Variants in ZNF365 observed in about 807,000 individuals in gnomAD.
The protein encoded by ZNF365 is protein ZNF365.
Under a neutral mutation model 35.0 loss-of-function variants are expected in ZNF365, and 22 were observed. That is an observed-to-expected ratio of 0.63 (90% CI 0.45 to 0.90). The LOEUF (loss-of-function observed/expected upper bound fraction) is 0.90, where lower values mean the gene tolerates loss of function less well. Ranked by LOEUF, ZNF365 falls within the 40% of genes least tolerant of loss-of-function variation. ZNF365 has a pLI of 0.00. For missense variants in ZNF365, 448 were observed against 500.3 expected (o/e 0.90, Z 1.00); for synonymous variants, 188 against 196.2 (o/e 0.96, Z 0.35).
At chr10:62,384,212 G>A (rs908768495) in intron 2 of ZNF365, among the ~76,000 whole-genome samples, 3 of 151,670 alleles carry the variant, frequency 2.0e-5, no homozygotes, top group African/African-American at 7.3e-5. Flanking sequence ...CCCTGATTGA[G>A]TTTCACTCAG....
Position 62,433,097 on chromosome 10 carries a change from A to T in ZNF365, c.925-26644A>T, listed in dbSNP as rs564321636. ...ACTTCAAATTCATCCTAGATCATGG[A>T]CTGTTCCTTGTAGAACCTACTGCTT... is the stretch of plus-strand genomic sequence containing the variant. On this transcript the variant is annotated intron_variant, in intron 3 of 4. Transcript: ENST00000395255. Among the ~76,000 whole-genome samples, 7 of 152,330 alleles carry T rather than the reference A, an allele frequency of 4.6e-5. No individual in the cohort carries two copies. In the South Asian group the frequency reaches 1.4e-3, roughly 32 times the overall value.
At chr10:62,476,306 C>T (rs781472289) in intron 4 of ZNF365, among the ~76,000 whole-genome samples, 2 of 152,180 alleles carry the variant, frequency 1.3e-5, no homozygotes, top group African/African-American at 2.4e-5. Context: ...GATAGAGTTT[C>T]TACAGAGCCT....
chr10:62,433,052 G>A (rs1840357091), intron 3 of ZNF365, among the ~76,000 whole-genome samples: 1 of 152,090 alleles, frequency 6.6e-6, no homozygotes, highest in African/African-American at 2.4e-5. Context: ...CAGATTATCA[G>A]GGAAATCAAA....
chr10:62,376,137 T>C, intron 1 of ZNF365, 44 bp from the exon 2 acceptor site: 1 of 1,587,086 alleles, frequency 6.3e-7, no homozygotes, highest in Non-Finnish European at 8.6e-7. Context: ...TTTAGTAGTG[T>C]GTTTTTCAGC....
chr10:62,406,030 C>T (rs750696450), downstream of ZNF365, among the ~76,000 whole-genome samples: 2 of 152,146 alleles, frequency 1.3e-5, no homozygotes, highest in Non-Finnish European at 1.5e-5. Context: ...AAGGGATACC[C>T]GAGGAGCTTA....
intron 3 of ZNF365, among the ~76,000 whole-genome samples, chr10:62,438,682 A>G (rs1485450351): frequency 2.0e-5 from 3 of 152,200 alleles, no homozygotes; most frequent in African/African-American, 4.8e-5. Flanking sequence ...CTATTCTCTT[A>G]TGTAAGCAGA....
At chr10:62,427,744 A>G (rs752034903) in intron 3 of ZNF365, among the ~76,000 whole-genome samples, 3 of 152,142 alleles carry the variant, frequency 2.0e-5, no homozygotes, top group Non-Finnish European at 4.4e-5. Context: ...TCTTGAGTCT[A>G]TGAAATAAGG....
At chr10:62,402,533 T>G, downstream of ZNF365, 1 of 853,190 alleles carries the variant, frequency 1.2e-6, no homozygotes, top group Non-Finnish European at 1.4e-6. Context: ...AAATGGTCCT[T>G]CCTGAATAAG....
At chr10:62,468,394 G>A (rs1274013344) in intron 4 of ZNF365, among the ~76,000 whole-genome samples, 2 of 152,066 alleles carry the variant, frequency 1.3e-5, no homozygotes, top group Admixed American at 6.6e-5. Flanking sequence ...TCAATTTTTT[G>A]CACCAAAATA....
chr10:62,415,422 G>A (rs529865911), intron 3 of ZNF365, among the ~76,000 whole-genome samples: 1 of 152,092 alleles, frequency 6.6e-6, no homozygotes, highest in African/African-American at 2.4e-5. Context: ...CTCTTATTTG[G>A]TCCTGTTATT....
At chr10:62,443,184 C>T (rs929227717) in intron 3 of ZNF365, among the ~76,000 whole-genome samples, 2 of 152,212 alleles carry the variant, frequency 1.3e-5, no homozygotes, top group African/African-American at 4.8e-5. Context: ...CTAAGTACAG[C>T]ACTGAAGCAG....
intron 3 of ZNF365, among the ~76,000 whole-genome samples, chr10:62,396,060 G>A (rs1839721787): frequency 6.6e-6 from 1 of 152,166 alleles, no homozygotes; most frequent in South Asian, 2.1e-4. Flanking sequence ...CGCCAAAGGG[G>A]CCAGGAGGAA....
intron 3 of ZNF365, among the ~76,000 whole-genome samples, chr10:62,447,650 G>A (rs1184725909): frequency 6.6e-6 from 1 of 152,182 alleles, no homozygotes; most frequent in Non-Finnish European, 1.5e-5. Flanking sequence ...AGTCACATGC[G>A]GTGGCTGCCT....
At chr10:62,390,335 C>A (rs1248900618) in intron 3 of ZNF365, among the ~76,000 whole-genome samples, 1 of 152,028 alleles carries the variant, frequency 6.6e-6, no homozygotes, top group African/African-American at 2.4e-5. Flanking sequence ...ATAAGTCATC[C>A]AGAGCTAAGA....
chr10:62,416,740 G>A (rs960237455), intron 3 of ZNF365, among the ~76,000 whole-genome samples: 2 of 151,886 alleles, frequency 1.3e-5, no homozygotes, highest in Non-Finnish European at 2.9e-5. Context: ...TTTACATTTT[G>A]GAATATTAGC....
At chr10:62,399,450 T>C in intron 4 of ZNF365, 78 bp from the exon 5 acceptor site, 1 of 1,554,258 alleles carries the variant, frequency 6.4e-7, no homozygotes, top group Middle Eastern at 1.7e-4. Flanking sequence ...GTGCCATGAG[T>C]AATTATTCTT....
intron 3 of ZNF365, among the ~76,000 whole-genome samples, chr10:62,389,873 A>G (rs56239904): frequency 0.051 from 7,811 of 152,236 alleles, 254 homozygotes; most frequent in South Asian, 0.1. Context: ...TAACATATTT[A>G]TTATTTTCTG....
In ZNF365 at chr10:62,400,910, T is replaced by C; in HGVS notation, c.*1121T>C. 1.0e-6 allele frequency: 1 copy of C among 985,580 alleles called. No individual in the cohort carries two copies. Among genetic ancestry groups the C allele is most frequent in the Non-Finnish European group, 1.2e-6 (1 of 829,938 alleles). The allele number at this position is 985,580 out of a possible 1,614,324, so 61.1% of individuals were successfully genotyped here. ...TAATTTCTGAAATAAACAATGCATGTAGGAGCCAGAATCTGACACTGTCTT... is the reference window on the plus strand; with the variant it reads ...TAATTTCTGAAATAAACAATGCATGCAGGAGCCAGAATCTGACACTGTCTT... On this transcript the variant is annotated 3_prime_UTR_variant, in exon 5 of 5. Transcript: ENST00000395254.
chr10:62,436,097 G>A (rs914832163), intron 3 of ZNF365, among the ~76,000 whole-genome samples: 2 of 152,024 alleles, frequency 1.3e-5, no homozygotes, highest in African/African-American at 4.8e-5. Flanking sequence ...CAGCCTTACT[G>A]ATGCACTGGT....
Sources: gnomAD v4.1 joint callset for allele counts (sites outside exome capture counted in the v4.1 genomes callset) on GRCh38, gnomAD v4.1.1 for gene constraint, MANE v1.5 for transcripts, NCBI Gene and HGNC (gene_info 2026-07-23, HGNC 2026-07-21) for gene names.